Variants in TGDS observed in about 807,000 individuals in gnomAD.
TGDS encodes UDP-D-glucose 4,6-dehydratase.
TGDS carries 47 observed loss-of-function variants against 52.3 expected under a neutral mutation model. The ratio of observed to expected loss-of-function variants is 0.90; its 90% confidence interval spans 0.71 to 1.15. The LOEUF is 1.15. Ranked by LOEUF, TGDS falls within the 50% of genes most tolerant of loss-of-function variation. The pLI, the probability that TGDS is intolerant of heterozygous loss-of-function variation, is 0.00. For missense variants in TGDS, 375 were observed against 418.4 expected (o/e 0.90, Z 0.90); for synonymous variants, 115 against 136.9 (o/e 0.84, Z 1.12).
At chr13:94,590,814 G>A (rs746993975) in intron 4 of TGDS, 39 bp downstream of exon 4, 1 of 1,481,178 alleles carries the variant, frequency 6.8e-7, no homozygotes, top group Non-Finnish European at 9.1e-7. Flanking sequence ...GGCGGGGAGA[G>A]AACTGCCAAT....
Position 94,586,151 on chromosome 13 carries a change from A to G in TGDS, c.314-2915T>C, listed in dbSNP as rs974088138. ...GAACAGGTGGGAAAAGAAAGCGTACAGTAAGATGGTAGAAATAAATCCAAA... is the reference window on the plus strand; with the variant it reads ...GAACAGGTGGGAAAAGAAAGCGTACGGTAAGATGGTAGAAATAAATCCAAA... On this transcript the variant is annotated intron_variant, in intron 4 of 11. Coordinates refer to ENST00000261296, the MANE Select transcript of TGDS (RefSeq NM_014305.4). Among the ~76,000 whole-genome samples, 18 of 152,352 alleles carry G rather than the reference A, an allele frequency of 1.2e-4. No homozygotes were observed. The East Asian group carries it at 3.5e-3, about 29-fold the overall frequency.
intron 6 of TGDS, among the ~76,000 whole-genome samples, chr13:94,580,584 C>A (rs563279969): frequency 6.6e-6 from 1 of 152,186 alleles, no homozygotes; most frequent in African/African-American, 2.4e-5. Flanking sequence ...GACAGAAGCA[C>A]ATGGCAGAAA....
At position 94,577,443 on chromosome 13, in the gene TGDS, A is replaced by G. The variant is rs116403568; in HGVS notation, c.826-14T>C. On this transcript the variant is annotated splice_polypyrimidine_tract_variant and intron_variant, in intron 9 of 11. Coordinates refer to ENST00000261296, the MANE Select transcript of TGDS (RefSeq NM_014305.4). ...GGTCTCTTTGATCTGTCAAAATGGA[A>G]AAAGCTTTTGAGTCAAATTATAAAA... is the stretch of plus-strand genomic sequence containing the variant. 4,150 of 1,549,210 alleles carry G rather than the reference A, an allele frequency of 2.7e-3. 119 individuals are homozygous for G. In the African/African-American group the frequency reaches 0.051, roughly 19 times the overall value.
At position 94,578,093 on chromosome 13, in the gene TGDS, A is replaced by C; in HGVS notation, c.737T>G (p.Leu246Arg). 1 of 1,613,826 alleles carries C rather than the reference A, an allele frequency of 6.2e-7. No homozygotes were observed. The highest frequency in any genetic ancestry group is 8.5e-7 in the Non-Finnish European group (1 of 1,179,858). The change falls in exon 9 of 12, where the codon CTC becomes CGC. Residue 246 changes from leucine to arginine, a missense_variant. Physicochemically the swap from Leu to Arg is moderately radical, Grantham distance 102. Transcript: ENST00000261296. ...TDVVEAFLTV[L>R]KKGKPGEIYN... ...AATTTCACCTGGTTTCCCTTTTTTG[A>C]GGACAGTGAGAAATGCTTCTACAAC...
chr13:94,576,845 G>A (rs1360277941), intron 10 of TGDS, among the ~76,000 whole-genome samples: 1 of 152,200 alleles, frequency 6.6e-6, no homozygotes, highest in East Asian at 1.9e-4. Context: ...GCTCATGCCT[G>A]TAATCCCAGC....
chr13:94,583,682 T>C (rs1303235047), intron 4 of TGDS, among the ~76,000 whole-genome samples: 4 of 152,120 alleles, frequency 2.6e-5, no homozygotes, highest in African/African-American at 9.7e-5. Context: ...ACTTCCTTAA[T>C]GATGAATCAC....
chr13:94,584,716 T>C (rs1251840508), intron 4 of TGDS, among the ~76,000 whole-genome samples: 1 of 151,998 alleles, frequency 6.6e-6, no homozygotes, highest in Non-Finnish European at 1.5e-5. Flanking sequence ...ACATTGAAGA[T>C]AAAACTGAAA....
At position 94,576,378 on chromosome 13, in the gene TGDS, T is replaced by G. The variant is rs771282764; in HGVS notation, c.918A>C (p.Ser306=). 6.2e-7 allele frequency: 1 copy of G among 1,604,060 alleles called. No individual in the cohort carries two copies. Among genetic ancestry groups the G allele is most frequent in the East Asian group, 2.3e-5 (1 of 44,316 alleles). ...PTNDMRYPMK[S]EKIHGLGWRP... is the part of the protein sequence containing the mutation. ...TCCATCCTAAGCCATGTATTTTTTC[T>G]GACTTCATTGGGTATCTCATGTCAT... Residue 306 remains serine (S), a synonymous_variant, in exon 11 of 12, where the codon TCA becomes TCC. Transcript: ENST00000261296.
intron 2 of TGDS, 136 bp from the exon 3 acceptor site, chr13:94,592,445 C>T: frequency 1.5e-6 from 1 of 668,680 alleles, no homozygotes; most frequent in South Asian, 2.3e-5. Flanking sequence ...TGTGTTTGCT[C>T]CCTGTCTTTA....
At chr13:94,585,420 C>A (rs1348056794) in intron 4 of TGDS, among the ~76,000 whole-genome samples, 1 of 152,026 alleles carries the variant, frequency 6.6e-6, no homozygotes, top group African/African-American at 2.4e-5. Flanking sequence ...ATTTTGTAAA[C>A]CCCTAATATA....
At position 94,585,799 on chromosome 13, in the gene TGDS, C is replaced by CA. The variant is rs371365630; in HGVS notation, c.314-2564dup. ...TAGGTGACAGAACAAGACTCTGTCTCAAAAAAAAAAAAAAAAAAATCCAGA... is the reference window on the plus strand; with the variant it reads ...TAGGTGACAGAACAAGACTCTGTCTCAAAAAAAAAAAAAAAAAAAATCCAGA... On this transcript the variant is annotated intron_variant, in intron 4 of 11. Coordinates refer to ENST00000261296, the MANE Select transcript of TGDS (RefSeq NM_014305.4). Among the ~76,000 whole-genome samples the CA allele has an allele frequency of 1.8e-3, 206 of 116,282 alleles. 2 individuals are homozygous for CA. In the East Asian group the frequency reaches 0.023, roughly 13 times the overall value. 76.3% of individuals were successfully genotyped at this position (116,282 alleles called of 152,430 possible).
At chr13:94,578,389 T>C (rs1225788301) in intron 8 of TGDS, among the ~76,000 whole-genome samples, 1 of 96,968 alleles carries the variant, frequency 1.0e-5, no homozygotes, top group Admixed American at 1.1e-4. Flanking sequence ...CTGTGAAATG[T>C]GTATTCAATT....
chr13:94,581,147 C>T lies in TGDS; in HGVS notation c.499G>A (p.Ala167Thr), dbSNP rs749160631. The T allele has an allele frequency of 6.3e-7, 1 of 1,595,752 alleles. No homozygotes were observed. Among genetic ancestry groups the T allele is most frequent in the Non-Finnish European group, 8.5e-7 (1 of 1,170,516 alleles). Residue 167 changes from alanine to threonine, a missense_variant, in exon 6 of 12, where the codon GCA (alanine) becomes ACA (threonine). Ala to Thr is a moderately conservative substitution (Grantham distance 58). Transcript: ENST00000261296. Reference protein sequence around the residue: ...SSPKQPTNPYASSKAAAECFV... With the variant: ...SSPKQPTNPYTSSKAAAECFV... The stretch of plus-strand genomic sequence containing the variant: ...CATTCAGCAGCTGCTTTAGATGATG[C>T]ATAAGGATTTGTAGGTTGTTTGGGT...
chr13:94,589,603 C>T (rs1007958597), intron 4 of TGDS, among the ~76,000 whole-genome samples: 6 of 152,108 alleles, frequency 3.9e-5, no homozygotes, highest in African/African-American at 4.8e-5. Context: ...CGTGAGCCAC[C>T]GCTCCCGGCC....
intron 4 of TGDS, among the ~76,000 whole-genome samples, chr13:94,590,167 T>TTA (rs1205745381): frequency 1.2e-4 from 18 of 147,436 alleles, no homozygotes; most frequent in South Asian, 4.2e-4. Context: ...CTACATATCA[T>TTA]TATATATATA....
chr13:94,587,051 C>T (rs933167971), intron 4 of TGDS, among the ~76,000 whole-genome samples: 1 of 152,036 alleles, frequency 6.6e-6, no homozygotes, highest in African/African-American at 2.4e-5. Context: ...AGGTGTTAGC[C>T]ACTGCACCCA....
intron 11 of TGDS, among the ~76,000 whole-genome samples, chr13:94,575,107 A>G (rs1250702246): frequency 6.6e-6 from 1 of 152,176 alleles, no homozygotes. Flanking sequence ...AAGTCATTCA[A>G]TACTGAACTT....
chr13:94,581,043 T>A (rs1445914008), intron 6 of TGDS, 48 bp downstream of exon 6: 1 of 1,155,744 alleles, frequency 8.7e-7, no homozygotes, highest in Non-Finnish European at 1.2e-6. Flanking sequence ...GTTTTAACAC[T>A]TAAGTCCAAA....
At chr13:94,593,992 G>A in intron 1 of TGDS, 85 bp from the exon 2 acceptor site, 2 of 776,128 alleles carry the variant, frequency 2.6e-6, no homozygotes, top group Non-Finnish European at 4.2e-6. Context: ...TGAGTACTAG[G>A]AAAATACTCA....
Sources: gnomAD v4.1 joint callset for allele counts (sites outside exome capture counted in the v4.1 genomes callset) on GRCh38, gnomAD v4.1.1 for gene constraint, MANE v1.5 for transcripts, NCBI Gene and HGNC (gene_info 2026-07-23, HGNC 2026-07-21) for gene names.